ORC3: variants seen among roughly 807,000 people sequenced by gnomAD.
ORC3 encodes origin recognition complex subunit 3.
In ORC3, 78 loss-of-function variants were observed where a neutral mutation model predicts 100.7. That is an observed-to-expected ratio of 0.77 (90% CI 0.65 to 0.94). ORC3 has a LOEUF of 0.94. Among genes scored for constraint, ORC3 ranks in the 40% least tolerant of loss-of-function variants. The pLI is 0.00. For synonymous variants in ORC3, 295 were observed against 289.3 expected (o/e 1.02, Z -0.20); for missense variants, 789 against 823.9 (o/e 0.96, Z 0.52).
intron 11 of ORC3, among the ~76,000 whole-genome samples, chr6:87,625,636 G>A (rs537261738): frequency 6.6e-6 from 1 of 152,240 alleles, no homozygotes; most frequent in South Asian, 2.1e-4. Context: ...CTCCCATTTT[G>A]TAGGTTGCCT....
chr6:87,630,252 C>T (rs760783087), intron 11 of ORC3, among the ~76,000 whole-genome samples: 16 of 151,960 alleles, frequency 1.1e-4, no homozygotes, highest in Admixed American at 2.6e-4. Context: ...CAAAAATTAG[C>T]CGGGTGTGGT....
In ORC3 at chr6:87,631,231, A is replaced by G. The variant is rs566568756; in HGVS notation, c.1186-3614A>G. Reference sequence around the variant, plus strand: ...AGAAATATTTCTGTTCCTTTGTCAAAAATCAGTAAAGACTAAGAAGTCTTC... The same window carrying G: ...AGAAATATTTCTGTTCCTTTGTCAAGAATCAGTAAAGACTAAGAAGTCTTC... On this transcript the variant is annotated intron_variant, in intron 11 of 19. Transcript: ENST00000392844. Among the ~76,000 whole-genome samples, 3 of 152,138 alleles carry G rather than the reference A, an allele frequency of 2.0e-5. No individual in the cohort carries two copies. The South Asian group carries it at 6.2e-4, about 32-fold the overall frequency.
chr6:87,614,661 C>T (rs916257083), intron 8 of ORC3, among the ~76,000 whole-genome samples: 1 of 152,204 alleles, frequency 6.6e-6, no homozygotes, highest in Non-Finnish European at 1.5e-5. Flanking sequence ...AAAATCATCT[C>T]CCTCAAGTTC....
At chr6:87,597,680 T>C (rs13199304) in intron 2 of ORC3, among the ~76,000 whole-genome samples, 3,551 of 138,458 alleles carry the variant, frequency 0.026, 58 homozygotes, top group African/African-American at 0.052. Flanking sequence ...TATATATATA[T>C]ACACACACAC....
intron 13 of ORC3, among the ~76,000 whole-genome samples, chr6:87,640,245 G>A (rs1376016759): frequency 2.6e-5 from 4 of 152,066 alleles, no homozygotes; most frequent in African/African-American, 4.8e-5. Context: ...GAAATATCTG[G>A]TGACCATTTA....
intron 13 of ORC3, among the ~76,000 whole-genome samples, chr6:87,651,814 T>C (rs1332533680): frequency 2.6e-5 from 4 of 152,172 alleles, no homozygotes; most frequent in African/African-American, 7.2e-5. Context: ...TTTTTTATTA[T>C]GAAAGATGTC....
chr6:87,614,090 G>A (rs1275948753), intron 8 of ORC3, among the ~76,000 whole-genome samples: 2 of 152,206 alleles, frequency 1.3e-5, no homozygotes, highest in Non-Finnish European at 1.5e-5. Context: ...TGCCCCTACA[G>A]CAAACTTCTG....
At chr6:87,638,054 C>G (rs1486730621) in intron 13 of ORC3, among the ~76,000 whole-genome samples, 1 of 152,156 alleles carries the variant, frequency 6.6e-6, no homozygotes, top group Non-Finnish European at 1.5e-5. Flanking sequence ...GCTGTTATAC[C>G]TTCTGCTTTT....
chr6:87,625,831 T>G (rs1157577841), intron 11 of ORC3, among the ~76,000 whole-genome samples: 2 of 152,238 alleles, frequency 1.3e-5, no homozygotes, highest in African/African-American at 2.4e-5. Flanking sequence ...GTCTTACATT[T>G]AAGTCTTTAA....
At chr6:87,628,018 T>C (rs909625433) in intron 11 of ORC3, among the ~76,000 whole-genome samples, 3 of 152,236 alleles carry the variant, frequency 2.0e-5, no homozygotes, top group Non-Finnish European at 2.9e-5. Flanking sequence ...GATCCACTGC[T>C]TCAGAACTAT....
At chr6:87,603,706 C>T (rs1396958743) in intron 4 of ORC3, among the ~76,000 whole-genome samples, 178 bp downstream of exon 4, 2 of 151,994 alleles carry the variant, frequency 1.3e-5, no homozygotes, top group Non-Finnish European at 2.9e-5. Context: ...ATAAAAATTC[C>T]TTATCTTTAC....
chr6:87,592,190 T>A (rs1446196483), intron 1 of ORC3, among the ~76,000 whole-genome samples: 4 of 152,362 alleles, frequency 2.6e-5, no homozygotes, highest in Non-Finnish European at 5.9e-5. Flanking sequence ...TCACTCCTCA[T>A]GTCTTGCTCC....
chr6:87,606,870 G>A (rs984348547), intron 5 of ORC3, among the ~76,000 whole-genome samples: 1 of 152,038 alleles, frequency 6.6e-6, no homozygotes, highest in African/African-American at 2.4e-5. Flanking sequence ...GGTAAAATTT[G>A]TTTGGATTAG....
intron 1 of ORC3, among the ~76,000 whole-genome samples, chr6:87,592,544 G>T (rs537757814): frequency 6.6e-6 from 1 of 152,076 alleles, no homozygotes; most frequent in Non-Finnish European, 1.5e-5. Context: ...CAGGAGAATC[G>T]CCTGAACCCG....
chr6:87,612,133 C>T lies in ORC3; in HGVS notation c.758C>T (p.Ala253Val), dbSNP rs1778815964. 2 of 1,613,414 alleles carry T rather than the reference C, an allele frequency of 1.2e-6. No individual in the cohort carries two copies. Among genetic ancestry groups the T allele is most frequent in the Non-Finnish European group, 1.7e-6 (2 of 1,179,752 alleles). The stretch of plus-strand genomic sequence containing the variant: ...CCACTAATACTCATTTTTGGAATAG[C>T]CACATCTCCTATTATCATCCACCGA... ...EFPLILIFGI[A>V]TSPIIIHRLL... Residue 253 changes from alanine (A) to valine (V), a missense_variant, in exon 8 of 20, where the codon GCC becomes GTC. Ala to Val is a moderately conservative substitution (Grantham distance 64, BLOSUM62 0). Transcript: ENST00000392844.
chr6:87,634,940 C>T lies in ORC3; in HGVS notation c.1281C>T (p.Pro427=), dbSNP rs1767701219. ...RCLHKFTSSL[P]KYPLGRQIRE... ...TTCATAAGTTCACCTCTTCTCTTCC[C>T]AAGTATCCACTAGGTCGACAGGTAA... Residue 427 remains proline (P), a synonymous_variant, in exon 12 of 20, where the codon CCC becomes CCT. Transcript: ENST00000392844. The T allele has an allele frequency of 6.4e-7, 1 of 1,564,716 alleles. No individual in the cohort carries two copies. The highest frequency in any genetic ancestry group is 1.1e-5 in the South Asian group (1 of 89,978).
intron 11 of ORC3, 51 bp downstream of exon 11, chr6:87,622,064 A>G: frequency 8.7e-7 from 1 of 1,146,270 alleles, no homozygotes; most frequent in Non-Finnish European, 1.3e-6. Flanking sequence ...TTTCATAAAG[A>G]AGAATATGCA....
chr6:87,666,298 A>AT (rs1223825380), intron 19 of ORC3, among the ~76,000 whole-genome samples: 2 of 151,350 alleles, frequency 1.3e-5, no homozygotes, highest in Non-Finnish European at 2.9e-5. Flanking sequence ...AGCCCAGCTA[A>AT]TTTTTGTATT....
At position 87,612,243 on chromosome 6, in the gene ORC3, G is replaced by A. The variant is rs771817774; in HGVS notation, c.868G>A (p.Asp290Asn). The A allele has an allele frequency of 1.3e-5, 21 of 1,597,016 alleles. No individual in the cohort carries two copies. The highest frequency in any genetic ancestry group is 2.2e-5 in the East Asian group (1 of 44,536). ...SCKEHLTTVL[D>N]KLLLTTQFPF... is the part of the protein sequence containing the mutation. ...TAAGGAGCACCTGACTACGGTACTC[G>A]ATAAGGTAAAAAGAATAAGTTTTAC... The change falls in exon 8 of 20, where the codon GAT becomes AAT. Residue 290 changes from aspartate to asparagine, a missense_variant. Asp to Asn is a conservative substitution (Grantham distance 23). Coordinates refer to ENST00000392844, the MANE Select transcript of ORC3 (RefSeq NM_012381.4).
Sources: allele counts gnomAD v4.1 joint callset (sites outside exome capture counted in the v4.1 genomes callset), GRCh38; gene constraint gnomAD v4.1.1; transcripts MANE v1.5; gene names NCBI Gene and HGNC (gene_info 2026-07-23, HGNC 2026-07-21).